The following ANO1 variants were observed in gnomAD, a reference collection of about 807,000 sequenced individuals.
ANO1 encodes the protein anoctamin 1.
In ANO1, 59 loss-of-function variants were observed where a neutral mutation model predicts 124.0. The observed-to-expected ratio is 0.48, with a 90% CI of 0.39 to 0.59. ANO1 has a LOEUF of 0.59. ANO1 is among the 20% of genes least tolerant of loss of function. The pLI, the probability that ANO1 is intolerant of heterozygous loss-of-function variation, is 0.00. For missense variants in ANO1, 1,059 were observed against 1,328.0 expected, an observed-to-expected ratio of 0.80 and a Z score of 3.15; for synonymous variants, 529 against 532.0, an observed-to-expected ratio of 0.99 and a Z score of 0.08.
intron 1 of ANO1, among the ~76,000 whole-genome samples, chr11:69,992,293 A>G (rs1272415591): frequency 6.6e-6 from 1 of 152,126 alleles, no homozygotes; most frequent in Non-Finnish European, 1.5e-5. Flanking sequence ...GGATAGATGA[A>G]TGGATGGATG....
chr11:70,075,912 C>T (rs1591078230), upstream of ANO1, among the ~76,000 whole-genome samples: 4 of 152,322 alleles, frequency 2.6e-5, no homozygotes, highest in South Asian at 4.1e-4. Context: ...ATTCTTTTCC[C>T]GCTCCTATTT....
the ANO1 span, among the ~76,000 whole-genome samples, chr11:69,980,493 C>T: frequency 6.6e-6 from 1 of 151,570 alleles, no homozygotes; most frequent in Non-Finnish European, 1.5e-5. Flanking sequence ...TGGTGGTGGG[C>T]GCCTGTAGTC....
At chr11:70,087,633 C>T (rs2044434796) in intron 1 of ANO1, 119 bp from the exon 2 acceptor site, 3 of 1,021,016 alleles carry the variant, frequency 2.9e-6, no homozygotes, top group South Asian at 1.9e-5. Context: ...GGAGGGCGCT[C>T]AGGGAGTGTT....
chr11:70,094,889 T>A (rs2044778085), intron 2 of ANO1, among the ~76,000 whole-genome samples: 1 of 152,196 alleles, frequency 6.6e-6, no homozygotes, highest in South Asian at 2.1e-4. Context: ...CTTGTCTTGG[T>A]TTCATGGAAA....
chr11:70,081,875 T>C (rs1443762579), intron 1 of ANO1, among the ~76,000 whole-genome samples: 1 of 152,216 alleles, frequency 6.6e-6, no homozygotes, highest in African/African-American at 2.4e-5. Context: ...GTCCTTCACA[T>C]TTTCCCATGT....
chr11:70,096,218 T>C (rs2155453), intron 2 of ANO1, among the ~76,000 whole-genome samples: 65,484 of 152,098 alleles, frequency 0.43, 14,292 homozygotes, highest in Admixed American at 0.5. Flanking sequence ...GCGTTATAGA[T>C]GAGAGCCACC....
At chr11:70,170,586 C>T (rs1420835351) in intron 21 of ANO1, among the ~76,000 whole-genome samples, 1 of 152,168 alleles carries the variant, frequency 6.6e-6, no homozygotes, top group Non-Finnish European at 1.5e-5. Context: ...TCGAGACTAT[C>T]TCACAAAAGA....
intron 11 of ANO1, among the ~76,000 whole-genome samples, chr11:70,132,707 T>C (rs1242185909): frequency 6.6e-6 from 1 of 151,830 alleles, no homozygotes; most frequent in East Asian, 1.9e-4. Context: ...GCTTGGGAGG[T>C]TGGTAAGTGG....
chr11:70,144,320 G>A (rs1384793617), intron 11 of ANO1, among the ~76,000 whole-genome samples: 1 of 152,026 alleles, frequency 6.6e-6, no homozygotes, highest in African/African-American at 2.4e-5. Flanking sequence ...AGCACCGCTT[G>A]TGGATGAAGT....
chr11:70,169,992 T>G, intron 21 of ANO1: 1 of 365,034 alleles, frequency 2.7e-6, no homozygotes, highest in South Asian at 2.1e-5. Context: ...AGCCCCATGC[T>G]GGATGCAGCA....
intron 21 of ANO1, chr11:70,169,949 CAG>C (rs748536862): frequency 2.4e-5 from 8 of 331,546 alleles, no homozygotes; most frequent in African/African-American, 1.5e-4. Context: ...CAGTTCCACT[CAG>C]AAACCTTTTC....
At chr11:69,999,865 G>A (rs1306019739) in intron 1 of ANO1, among the ~76,000 whole-genome samples, 3 of 152,164 alleles carry the variant, frequency 2.0e-5, no homozygotes, top group Non-Finnish European at 2.9e-5. Context: ...GCAGGAGGGA[G>A]GGCTATCACA....
chr11:70,172,129 A>AC (rs2048497687), intron 22 of ANO1, among the ~76,000 whole-genome samples: 1 of 148,514 alleles, frequency 6.7e-6, no homozygotes, highest in African/African-American at 2.4e-5. Context: ...TAAAAAAAAA[A>AC]AAAAAAAGAA....
intron 1 of ANO1, among the ~76,000 whole-genome samples, chr11:70,081,464 AT>A (rs1373009478): frequency 1.3e-5 from 2 of 152,168 alleles, no homozygotes; most frequent in African/African-American, 4.8e-5. Flanking sequence ...TGGTTTTAAA[AT>A]TTTTTTAGAA....
At chr11:70,107,719 G>A (rs2045614619) in intron 5 of ANO1, among the ~76,000 whole-genome samples, 1 of 152,142 alleles carries the variant, frequency 6.6e-6, no homozygotes, top group Non-Finnish European at 1.5e-5. Flanking sequence ...CCAGGTTCCA[G>A]GCAGACAGAC....
intron 5 of ANO1, among the ~76,000 whole-genome samples, chr11:70,106,164 G>A (rs745559976): frequency 2.0e-5 from 3 of 152,300 alleles, no homozygotes; most frequent in African/African-American, 4.8e-5. Flanking sequence ...GGGCAGGCAG[G>A]TGTGGGCAGG....
At chr11:70,083,017 G>C (rs2044249581) in intron 1 of ANO1, among the ~76,000 whole-genome samples, 1 of 152,180 alleles carries the variant, frequency 6.6e-6, no homozygotes. Context: ...CCACACCTGT[G>C]CTTGGTGCTG....
At chr11:70,087,687 G>T in intron 1 of ANO1, 65 bp from the exon 2 acceptor site, 2 of 1,414,016 alleles carry the variant, frequency 1.4e-6, no homozygotes, top group Non-Finnish European at 1.9e-6. Flanking sequence ...AGGGAGCAGC[G>T]CACCCTCCAA....
chr11:70,108,155 A>G (rs2045632874), intron 5 of ANO1, 198 bp from the exon 6 acceptor site: 1 of 512,008 alleles, frequency 2.0e-6, no homozygotes, highest in South Asian at 3.6e-5. Context: ...TGAGAAGCTC[A>G]AGCCTTTGAC....
Sources: allele counts gnomAD v4.1 joint callset (sites outside exome capture counted in the v4.1 genomes callset), GRCh38; gene constraint gnomAD v4.1.1; transcripts MANE v1.5; gene names NCBI Gene and HGNC (gene_info 2026-07-23, HGNC 2026-07-21).